PTPRC: variants seen among roughly 807,000 people sequenced by gnomAD.
The protein encoded by PTPRC is protein tyrosine phosphatase receptor type C, also known as receptor-type tyrosine-protein phosphatase C.
In PTPRC, 44 loss-of-function variants were observed where a neutral mutation model predicts 155.9. The ratio of observed to expected loss-of-function variants is 0.28; its 90% confidence interval spans 0.22 to 0.36. PTPRC has a LOEUF of 0.36. Among genes scored for constraint, PTPRC ranks in the 10% least tolerant of loss-of-function variants. The pLI is 1.00. For missense variants in PTPRC, 1,401 were observed against 1,564.6 expected, an observed-to-expected ratio of 0.90 and a Z score of 1.76; for synonymous variants, 525 against 533.1, an observed-to-expected ratio of 0.98 and a Z score of 0.21.
In PTPRC at chr1:198,706,746, C is replaced by T; in HGVS notation, c.698C>T (p.Ala233Val). Residue 233 changes from alanine to valine, a missense_variant, in exon 9 of 33, where the codon GCA (alanine) becomes GTA (valine). Ala to Val is a moderately conservative substitution (Grantham distance 64). Coordinates refer to ENST00000442510, the MANE Select transcript of PTPRC (RefSeq NM_002838.5). The stretch of plus-strand genomic sequence containing the variant: ...TATTTTCTTTTAGATGAAAAATATG[C>T]AAACATCACTGTGGATTACTTATAT... ...PSKPTCDEKYANITVDYLYNK... is the reference protein window; with the variant it reads ...PSKPTCDEKYVNITVDYLYNK... The T allele has an allele frequency of 6.2e-7, 1 of 1,608,714 alleles. No individual in the cohort carries two copies. The highest frequency in any genetic ancestry group is 8.5e-7 in the Non-Finnish European group (1 of 1,176,862).
chr1:198,740,010 T>G (rs1181646751), intron 23 of PTPRC, among the ~76,000 whole-genome samples: 1 of 151,766 alleles, frequency 6.6e-6, no homozygotes, highest in Non-Finnish European at 1.5e-5. Context: ...TTTAAAATTT[T>G]TCAAAACAAA....
At chr1:198,744,588 T>G (rs1011074437) in intron 26 of PTPRC, among the ~76,000 whole-genome samples, 1 of 151,928 alleles carries the variant, frequency 6.6e-6, no homozygotes, top group Non-Finnish European at 1.5e-5. Flanking sequence ...GAAGAGTTTA[T>G]GACTGCTTAG....
rs957654003 is a variant in PTPRC, at chr1:198,756,683, A to C, written c.*502A>C. On this transcript the variant is annotated 3_prime_UTR_variant, in exon 33 of 33. Transcript: ENST00000442510. ...TGTCCTCCTTGTTCTACTCATATAT[A>C]TCTATCTTATATAGTTTACTATTTT... 6.2e-6 allele frequency: 1 copy of C among 161,286 alleles called. No homozygotes were observed. The highest frequency in any genetic ancestry group is 1.6e-4 in the South Asian group (1 of 6,126). 10.0% of individuals were successfully genotyped at this position (161,286 alleles called of 1,614,324 possible). A position where few individuals can be genotyped will look rare whatever the true frequency, so the allele number is the denominator to read the frequency against.
At chr1:198,754,463 G>A in intron 32 of PTPRC, 59 bp downstream of exon 32, 1 of 1,585,472 alleles carries the variant, frequency 6.3e-7, no homozygotes, top group East Asian at 2.3e-5. Flanking sequence ...CTTTTTGACG[G>A]TTTCCTTTTT....
intron 6 of PTPRC, 22 bp downstream of exon 6, chr1:198,702,552 A>C: frequency 6.2e-7 from 1 of 1,613,674 alleles, no homozygotes; most frequent in Non-Finnish European, 8.5e-7. Context: ...CTGCTCTAGT[A>C]GTGTCTTCAG....
intron 2 of PTPRC, among the ~76,000 whole-genome samples, chr1:198,680,455 A>G (rs1665254640): frequency 1.8e-5 from 2 of 109,946 alleles, no homozygotes; most frequent in South Asian, 4.7e-4. Flanking sequence ...TCTCTCAGAA[A>G]AAAAAAAAAA....
rs987014134 is a variant in PTPRC, at chr1:198,750,706, G to A, written c.3207+80G>A. 2.5e-5 allele frequency: 38 copies of A among 1,528,734 alleles called. No individual in the cohort carries two copies. The East Asian group carries it at 3.9e-4, about 16-fold the overall frequency. The allele number at this position is 1,528,734 out of a possible 1,614,324, so 94.7% of individuals were successfully genotyped here. ...CTAGTCTTGGATTGCTTGCTTCATC[G>A]CCATACCCACGTCTTTTTTTATCCC... is the stretch of plus-strand genomic sequence containing the variant. On this transcript the variant is annotated intron_variant, in intron 29 of 32. Transcript: ENST00000442510.
intron 3 of PTPRC, chr1:198,693,954 G>T: frequency 6.6e-7 from 1 of 1,511,004 alleles, no homozygotes; most frequent in Non-Finnish European, 8.9e-7. Context: ...TAATAGGTTA[G>T]ATGTGTATAT....
At chr1:198,737,383 G>A (rs1654697626) in intron 23 of PTPRC, among the ~76,000 whole-genome samples, 1 of 151,556 alleles carries the variant, frequency 6.6e-6, no homozygotes, top group African/African-American at 2.4e-5. Context: ...GCAAGAGATA[G>A]GGCTTTAGTT....
intron 15 of PTPRC, among the ~76,000 whole-genome samples, chr1:198,726,045 G>A (rs1409545502): frequency 1.3e-5 from 2 of 152,270 alleles, no homozygotes; most frequent in South Asian, 4.1e-4. Context: ...TTTATCTGAA[G>A]ACTTGGCTAT....
At chr1:198,674,764 T>G (rs972316687) in intron 2 of PTPRC, among the ~76,000 whole-genome samples, 2 of 152,030 alleles carry the variant, frequency 1.3e-5, no homozygotes, top group African/African-American at 4.8e-5. Context: ...AATTTTAGAT[T>G]TACAGAAAAG....
intron 18 of PTPRC, among the ~76,000 whole-genome samples, chr1:198,732,071 C>A (rs1186584633): frequency 1.3e-5 from 2 of 151,812 alleles, no homozygotes; most frequent in African/African-American, 4.8e-5. Context: ...CTAAATTTGT[C>A]CCCACTCAAG....
intron 8 of PTPRC, among the ~76,000 whole-genome samples, chr1:198,704,928 GA>G (rs932988904): frequency 2.2e-4 from 33 of 149,580 alleles, no homozygotes; most frequent in Non-Finnish European, 3.1e-4. Flanking sequence ...TTAGGTATTT[GA>G]AAAAAAAATG....
intron 2 of PTPRC, among the ~76,000 whole-genome samples, chr1:198,668,311 T>C (rs143194313): frequency 0.011 from 1,608 of 152,184 alleles, 20 homozygotes; most frequent in African/African-American, 0.036. Context: ...CTCCTGAGTA[T>C]AGTCACATGC....
chr1:198,741,932 G>T lies in PTPRC; in HGVS notation c.2467G>T (p.Gly823Trp). 1 of 1,612,104 alleles carries T rather than the reference G, an allele frequency of 6.2e-7. No individual in the cohort carries two copies. Among genetic ancestry groups the T allele is most frequent in the African/African-American group, 1.3e-5 (1 of 74,846 alleles). ...HIQFTSWPDH[G>W]VPEDPHLLLK... ...TCAGTTCACCAGCTGGCCAGACCACGGGGTGCCTGAGGATCCTCACTTGCT... is the reference window on the plus strand; with the variant it reads ...TCAGTTCACCAGCTGGCCAGACCACTGGGTGCCTGAGGATCCTCACTTGCT... Residue 823 changes from glycine to tryptophan, a missense_variant, in exon 24 of 33, where the codon GGG becomes TGG. Coordinates refer to ENST00000442510, the MANE Select transcript of PTPRC (RefSeq NM_002838.5).
At position 198,696,796 on chromosome 1, in the gene PTPRC, C is replaced by T. The variant is rs767699746; in HGVS notation, c.185C>T (p.Thr62Ile). 3.7e-6 allele frequency: 6 copies of T among 1,613,996 alleles called. No individual in the cohort carries two copies. Among genetic ancestry groups the T allele is most frequent in the Non-Finnish European group, 1.7e-6 (2 of 1,179,874 alleles). The change falls in exon 4 of 33, where the codon ACC becomes ATC. Residue 62 changes from threonine (T) to isoleucine (I), a missense_variant. By Grantham distance (89) the Thr-to-Ile change is moderately conservative (BLOSUM62 -1). Coordinates refer to ENST00000442510, the MANE Select transcript of PTPRC (RefSeq NM_002838.5). Reference sequence around the variant, plus strand: ...ACCACTGCATTCTCACCCGCAAGCACCTTTGAAAGAGAAAATGACTTCTCA... The same window carrying T: ...ACCACTGCATTCTCACCCGCAAGCATCTTTGAAAGAGAAAATGACTTCTCA... ...THTTAFSPAS[T>I]FERENDFSET... is the part of the protein sequence containing the mutation.
At chr1:198,716,968 G>A in intron 13 of PTPRC, 128 bp downstream of exon 13, 2 of 811,714 alleles carry the variant, frequency 2.5e-6, no homozygotes, top group Non-Finnish European at 2.0e-6. Context: ...AACATCTAGG[G>A]CTTATAAACA....
At chr1:198,750,204 T>C (rs1288251542) in intron 28 of PTPRC, among the ~76,000 whole-genome samples, 1 of 151,956 alleles carries the variant, frequency 6.6e-6, no homozygotes, top group Non-Finnish European at 1.5e-5. Context: ...TACAATCACA[T>C]TAACCTTTAT....
intron 2 of PTPRC, among the ~76,000 whole-genome samples, chr1:198,659,339 G>C (rs1319034381): frequency 6.6e-6 from 1 of 152,044 alleles, no homozygotes; most frequent in Non-Finnish European, 1.5e-5. Flanking sequence ...TGTTAGTATT[G>C]CTCTATGCCA....
Sources: gnomAD v4.1 joint callset for allele counts (sites outside exome capture counted in the v4.1 genomes callset) on GRCh38, gnomAD v4.1.1 for gene constraint, MANE v1.5 for transcripts, NCBI Gene and HGNC (gene_info 2026-07-23, HGNC 2026-07-21) for gene names.